The following STK10 variants were observed in gnomAD, a reference collection of about 807,000 sequenced individuals.
STK10 encodes serine/threonine kinase 10.
STK10 carries 78 observed loss-of-function variants against 113.8 expected under a neutral mutation model. That is an observed-to-expected ratio of 0.69 (90% CI 0.57 to 0.83). The LOEUF is 0.83. STK10 is among the 40% of genes least tolerant of loss of function. STK10 has a pLI of 0.00. For synonymous variants in STK10, 465 were observed against 494.7 expected (o/e 0.94, Z 0.80); for missense variants, 1,109 against 1,280.1 (o/e 0.87, Z 2.04).
At chr5:172,140,300 G>C (rs561778482) in intron 2 of STK10, among the ~76,000 whole-genome samples, 301 of 152,362 alleles carry the variant, frequency 2.0e-3, no homozygotes, top group African/African-American at 6.9e-3. Context: ...GACACGTGTT[G>C]ATGAGGATGT....
At chr5:172,046,910 C>T (rs569233320) in intron 18 of STK10, among the ~76,000 whole-genome samples, 2 of 152,316 alleles carry the variant, frequency 1.3e-5, no homozygotes, top group African/African-American at 2.4e-5. Flanking sequence ...CTACATTTTA[C>T]AGCCCGAAAA....
Position 172,107,834 on chromosome 5 carries a change from GC to G in STK10, c.538del (p.Ala180ProfsTer4). On this transcript the variant is annotated frameshift_variant, in exon 5 of 19. Coordinates refer to ENST00000176763, the MANE Select transcript of STK10 (RefSeq NM_005990.4). LOFTEE classifies it high-confidence loss of function. ...DIRLADFGVS[A>X]KNLKTLQKRD... Reference sequence around the variant, plus strand: ...TTTCTGTAGAGTCTTCAGATTCTTGGCAGACACACCAAAGTCAGCTGCAAGA... The same window carrying G: ...TTTCTGTAGAGTCTTCAGATTCTTGGAGACACACCAAAGTCAGCTGCAAGA... The G allele has an allele frequency of 6.2e-7, 1 of 1,614,082 alleles. No individual in the cohort carries two copies.
At position 172,042,328 on chromosome 5, in the gene STK10, G is replaced by A. The variant is rs977519450; in HGVS notation, c.*2554C>T. ...AATACCGCGTGGGCCTCTCAGAGAT[G>A]GGCATTGCACGGTGGCTCCACGGTG... On this transcript the variant is annotated 3_prime_UTR_variant, in exon 19 of 19. Coordinates refer to ENST00000176763, the MANE Select transcript of STK10 (RefSeq NM_005990.4). 12 of 152,622 alleles carry A rather than the reference G, an allele frequency of 7.9e-5. No homozygotes were observed. Among genetic ancestry groups the A allele is most frequent in the African/African-American group, 2.7e-4 (11 of 41,444 alleles). 9.5% of individuals were successfully genotyped at this position (152,622 alleles called of 1,614,324 possible).
chr5:172,070,245 C>A (rs1768145680), intron 12 of STK10, among the ~76,000 whole-genome samples: 1 of 148,914 alleles, frequency 6.7e-6, no homozygotes, highest in South Asian at 2.1e-4. Flanking sequence ...CAAAATTCCA[C>A]CTCAAAAAAA....
chr5:172,130,392 G>T (rs909657221), intron 2 of STK10, among the ~76,000 whole-genome samples: 4 of 152,212 alleles, frequency 2.6e-5, no homozygotes, highest in Admixed American at 1.3e-4. Context: ...GTAGCCAGGT[G>T]TGGTGGCGGG....
chr5:172,077,386 TG>T (rs2113723990), intron 12 of STK10, among the ~76,000 whole-genome samples: 1 of 152,338 alleles, frequency 6.6e-6, no homozygotes, highest in South Asian at 2.1e-4. Context: ...CCTTCAAGAC[TG>T]GTTATATTTG....
chr5:172,170,619 G>A (rs960204929), intron 1 of STK10, among the ~76,000 whole-genome samples: 1 of 152,208 alleles, frequency 6.6e-6, no homozygotes, highest in African/African-American at 2.4e-5. Flanking sequence ...AGCCGCAAAA[G>A]TTCTTGTGAA....
intron 18 of STK10, among the ~76,000 whole-genome samples, chr5:172,050,814 G>A (rs1344759309): frequency 2.6e-5 from 4 of 151,884 alleles, no homozygotes; most frequent in African/African-American, 4.8e-5. Context: ...CTGGCCTCAA[G>A]CGATCCTCCC....
At chr5:172,081,931 G>C (rs1768438955) in intron 12 of STK10, among the ~76,000 whole-genome samples, 1 of 152,118 alleles carries the variant, frequency 6.6e-6, no homozygotes, top group African/African-American at 2.4e-5. Context: ...AGAGAGGGTG[G>C]AGCATAGAGG....
intron 8 of STK10, among the ~76,000 whole-genome samples, chr5:172,094,177 C>G (rs956276811): frequency 6.6e-6 from 1 of 152,066 alleles, no homozygotes; most frequent in Non-Finnish European, 1.5e-5. Context: ...TCCTCACTAT[C>G]TCTAATCTCA....
At position 172,093,496 on chromosome 5, in the gene STK10, G is replaced by C. The variant is rs762262389; in HGVS notation, c.1470C>G (p.Leu490=). 1 of 1,614,252 alleles carries C rather than the reference G, an allele frequency of 6.2e-7. No homozygotes were observed. The highest frequency in any genetic ancestry group is 1.3e-5 in the African/African-American group (1 of 75,068). Residue 490 remains leucine (L), a synonymous_variant, in exon 9 of 19, where the codon CTC becomes CTG. Transcript: ENST00000176763. The surrounding 1 kb of genome is among the most constrained non-coding windows in gnomAD (Gnocchi z 4.1). The part of the protein sequence containing the change: ...PSKRDSDCSS[L]CTSESMDYGT... ...CATAGTCCATGCTCTCAGAGGTGCA[G>C]AGGCTGCTGCAGTCCGAGTCCCTCT...
At chr5:172,184,235 G>A (rs2056598680) in intron 1 of STK10, among the ~76,000 whole-genome samples, 1 of 152,170 alleles carries the variant, frequency 6.6e-6, no homozygotes, top group African/African-American at 2.4e-5. Context: ...CAAGTGGGCA[G>A]GAGTCGTGGT....
chr5:172,153,356 T>C (rs1484281220), intron 2 of STK10, among the ~76,000 whole-genome samples: 1 of 151,256 alleles, frequency 6.6e-6, no homozygotes, highest in Non-Finnish European at 1.5e-5. Flanking sequence ...GCTCACATTA[T>C]AGTTCTACTG....
chr5:172,155,543 C>CA (rs1445967057), intron 2 of STK10, among the ~76,000 whole-genome samples: 1 of 148,248 alleles, frequency 6.7e-6, no homozygotes, highest in Non-Finnish European at 1.5e-5. Context: ...AGAGGACACA[C>CA]AAAAAAATCC....
chr5:172,046,691 T>C (rs1240958299), intron 18 of STK10, among the ~76,000 whole-genome samples: 1 of 152,226 alleles, frequency 6.6e-6, no homozygotes, highest in East Asian at 1.9e-4. Flanking sequence ...ATGTGACAGA[T>C]AGTAAACATT....
At chr5:172,172,571 A>G (rs925717757) in intron 1 of STK10, among the ~76,000 whole-genome samples, 2 of 152,204 alleles carry the variant, frequency 1.3e-5, no homozygotes, top group Non-Finnish European at 2.9e-5. Flanking sequence ...TATTGTCCCT[A>G]TTTTGCAGAA....
At chr5:172,121,663 G>A (rs921523829) in intron 3 of STK10, among the ~76,000 whole-genome samples, 27 of 152,036 alleles carry the variant, frequency 1.8e-4, no homozygotes, top group Non-Finnish European at 2.6e-4. Flanking sequence ...AAAATTAGCC[G>A]GGTGTGGTTG....
At chr5:172,104,581 C>G (rs1392333205) in intron 7 of STK10, among the ~76,000 whole-genome samples, 2 of 152,190 alleles carry the variant, frequency 1.3e-5, no homozygotes, top group African/African-American at 2.4e-5. Flanking sequence ...GATGCTGTGT[C>G]TCCCCTAATG....
At chr5:172,177,776 C>G (rs1489302481) in intron 1 of STK10, among the ~76,000 whole-genome samples, 2 of 152,188 alleles carry the variant, frequency 1.3e-5, no homozygotes, top group Non-Finnish European at 2.9e-5. Context: ...GTAACACTCC[C>G]TTGGACAGCA....
Sources: allele counts gnomAD v4.1 joint callset (sites outside exome capture counted in the v4.1 genomes callset), GRCh38; gene constraint gnomAD v4.1.1; non-coding constraint Gnocchi (gnomAD v3.1); transcripts MANE v1.5; gene names NCBI Gene and HGNC (gene_info 2026-07-23, HGNC 2026-07-21).